NLGN4Y: variants seen among roughly 807,000 people sequenced by gnomAD.
NLGN4Y encodes the protein neuroligin-4, Y-linked.
A neutral mutation model predicts 8.4 loss-of-function variants in NLGN4Y; 4 were observed. The observed-to-expected ratio is 0.48, with a 90% confidence interval of 0.23 to 1.09. The LOEUF (loss-of-function observed/expected upper bound fraction) is 1.09, where lower values mean the gene tolerates loss of function less well. NLGN4Y is among the 50% of genes least tolerant of loss of function. The pLI is 0.19. For missense variants in NLGN4Y, 90 were observed against 192.3 expected, an observed-to-expected ratio of 0.47 and a Z score of 3.15; for synonymous variants, 35 against 75.6, an observed-to-expected ratio of 0.46 and a Z score of 2.78.
chrY:14,629,491 A>G, intron 2 of NLGN4Y, among the ~76,000 whole-genome samples: 1 of 33,682 alleles, frequency 3.0e-5, no homozygotes, highest in Admixed American at 2.7e-4. Context: ...AAGTCGAGAA[A>G]TCAGATTGGG....
chrY:14,799,163 G>A, intron 4 of NLGN4Y, among the ~76,000 whole-genome samples: 1 of 33,759 alleles, frequency 3.0e-5, no homozygotes, highest in Non-Finnish European at 7.3e-5. Flanking sequence ...GATGGCTGCT[G>A]TAGGGTTCTA....
intron 1 of NLGN4Y, among the ~76,000 whole-genome samples, chrY:14,525,312 CTT>C (rs2080089387): frequency 3.1e-5 from 1 of 32,227 alleles, no homozygotes; most frequent in African/African-American, 1.2e-4. Flanking sequence ...GTGTGGGCCT[CTT>C]TTCATGTATG....
intron 1 of NLGN4Y, among the ~76,000 whole-genome samples, chrY:14,601,543 G>A: frequency 3.0e-5 from 1 of 32,977 alleles, no homozygotes; most frequent in African/African-American, 1.2e-4. Context: ...AGGACATTCT[G>A]TTCCCACTGG....
intron 1 of NLGN4Y, among the ~76,000 whole-genome samples, chrY:14,599,417 T>G (rs2080419137): frequency 3.2e-5 from 1 of 31,611 alleles, no homozygotes; most frequent in African/African-American, 1.2e-4. Context: ...TAAGGCAGTC[T>G]TGTCTTTTCA....
chrY:14,809,705 T>C, intron 4 of NLGN4Y, among the ~76,000 whole-genome samples: 1 of 31,741 alleles, frequency 3.2e-5, no homozygotes, highest in Non-Finnish European at 7.6e-5. Context: ...CCCACTATTT[T>C]TATTGAGACA....
intron 2 of NLGN4Y, among the ~76,000 whole-genome samples, chrY:14,631,614 A>T (rs2080549445): frequency 2.9e-5 from 1 of 34,369 alleles, no homozygotes; most frequent in Non-Finnish European, 7.3e-5. Context: ...GGTCATTTAA[A>T]TTTTTTTTCA....
intron 1 of NLGN4Y, among the ~76,000 whole-genome samples, chrY:14,528,449 C>T (rs771670001): frequency 1.2e-4 from 4 of 32,170 alleles, no homozygotes; most frequent in African/African-American, 4.8e-4. Context: ...TTATGGGAAA[C>T]GGGAAGCAAA....
chrY:14,780,088 G>T (rs916370113), intron 4 of NLGN4Y, among the ~76,000 whole-genome samples: 2 of 32,781 alleles, frequency 6.1e-5, no homozygotes, highest in Admixed American at 5.6e-4. Flanking sequence ...AGTCCTCACT[G>T]ATCACATCTC....
intron 1 of NLGN4Y, among the ~76,000 whole-genome samples, chrY:14,595,966 G>A: frequency 6.1e-5 from 2 of 32,682 alleles, no homozygotes; most frequent in Non-Finnish European, 1.5e-4. Context: ...CCTTACCAAC[G>A]CATCCTCAAA....
intron 1 of NLGN4Y, among the ~76,000 whole-genome samples, chrY:14,620,253 ATCT>A (rs2150506860): frequency 3.0e-5 from 1 of 33,598 alleles, no homozygotes; most frequent in African/African-American, 1.2e-4. Context: ...CTAGTTAAAA[ATCT>A]TCTGGTTAAA....
chrY:14,788,892 T>C (rs2042976900), intron 4 of NLGN4Y, among the ~76,000 whole-genome samples: 1 of 32,798 alleles, frequency 3.0e-5, no homozygotes, highest in Admixed American at 2.8e-4. Context: ...CTTCCATCTT[T>C]ACTCACCCAG....
chrY:14,555,526 G>A (rs2080208085), intron 1 of NLGN4Y, among the ~76,000 whole-genome samples: 2 of 32,776 alleles, frequency 6.1e-5, no homozygotes, highest in Admixed American at 5.6e-4. Flanking sequence ...TTCAACATAG[G>A]AATTTGGAGT....
At chrY:14,600,683 T>G in intron 1 of NLGN4Y, among the ~76,000 whole-genome samples, 2 of 32,869 alleles carry the variant, frequency 6.1e-5, no homozygotes, top group Admixed American at 5.6e-4. Flanking sequence ...TGGTGGCATG[T>G]TTACAGCCTG....
intron 6 of NLGN4Y, among the ~76,000 whole-genome samples, chrY:14,831,040 T>G: frequency 6.0e-5 from 2 of 33,223 alleles, no homozygotes; most frequent in Non-Finnish European, 1.5e-4. Context: ...TGTTTATTTT[T>G]TTTATTTTTT....
intron 1 of NLGN4Y, among the ~76,000 whole-genome samples, chrY:14,544,233 G>A: frequency 3.0e-5 from 1 of 33,191 alleles, no homozygotes; most frequent in Non-Finnish European, 7.4e-5. Flanking sequence ...TTGATATGCT[G>A]GGCATTATTT....
chrY:14,577,955 C>T (rs1037230793), intron 1 of NLGN4Y, among the ~76,000 whole-genome samples: 1 of 32,993 alleles, frequency 3.0e-5, no homozygotes, highest in Non-Finnish European at 7.4e-5. Flanking sequence ...AACCATCATT[C>T]TCAGCAAACT....
chrY:14,754,162 C>T, intron 4 of NLGN4Y, among the ~76,000 whole-genome samples: 1 of 32,665 alleles, frequency 3.1e-5, no homozygotes, highest in Non-Finnish European at 7.4e-5. Flanking sequence ...CACCTGAGGT[C>T]GGGAGTTCAA....
At chrY:14,726,335 C>T in intron 4 of NLGN4Y, among the ~76,000 whole-genome samples, 1 of 33,679 alleles carries the variant, frequency 3.0e-5, no homozygotes, top group East Asian at 7.8e-4. Context: ...TACTTTTAGC[C>T]AGCATGAATG....
At chrY:14,536,730 T>TA (rs541906037) in intron 1 of NLGN4Y, among the ~76,000 whole-genome samples, 51 of 28,846 alleles carry the variant, frequency 1.8e-3, no homozygotes, top group African/African-American at 3.8e-3. Flanking sequence ...GTACAGAAAA[T>TA]AAAAAAAAAA....
Sources: allele counts gnomAD v4.1 joint callset (sites outside exome capture counted in the v4.1 genomes callset), GRCh38; gene constraint gnomAD v4.1.1; transcripts MANE v1.5; gene names NCBI Gene and HGNC (gene_info 2026-07-23, HGNC 2026-07-21).